The following WDFY3 variants were observed in gnomAD, a reference collection of about 807,000 sequenced individuals.
The protein encoded by WDFY3 is WD repeat and FYVE domain-containing protein 3.
A neutral mutation model predicts 409.6 loss-of-function variants in WDFY3; 66 were observed. The observed-to-expected ratio is 0.16, with a 90% confidence interval of 0.13 to 0.20. The LOEUF is 0.20. WDFY3 is among the 10% of genes least tolerant of loss of function. WDFY3 has a pLI of 1.00. For missense variants in WDFY3, 3,031 were observed against 4,298.1 expected (o/e 0.71, Z 8.24); for synonymous variants, 1,521 against 1,537.1 (o/e 0.99, Z 0.25).
intron 19 of WDFY3, among the ~76,000 whole-genome samples, chr4:84,796,127 C>T (rs1360226943): frequency 6.6e-6 from 1 of 151,510 alleles, no homozygotes; most frequent in African/African-American, 2.4e-5. Context: ...ATATTTAATG[C>T]TTTGTGAACC....
In WDFY3 at chr4:84,803,434, A is replaced by G. The variant is rs1380532971; in HGVS notation, c.2463T>C (p.Val821=). 2 of 1,613,870 alleles carry G rather than the reference A, an allele frequency of 1.2e-6. No homozygotes were observed. Among genetic ancestry groups the G allele is most frequent in the Admixed American group, 3.3e-5 (2 of 59,942 alleles). ...HAYHSVSTPP[V]YPPKNVADLK... ...GGTCGGCAACATTTTTAGGAGGGTA[A>G]ACAGGGGGAGTTGAAACAGAATGAT... The change falls in exon 16 of 68, where the codon GTT becomes GTC. Residue 821 remains valine (V), a synonymous_variant. Coordinates refer to ENST00000295888, the MANE Select transcript of WDFY3 (RefSeq NM_014991.6).
At chr4:84,890,318 T>A (rs891706880) in intron 3 of WDFY3, among the ~76,000 whole-genome samples, 1 of 152,226 alleles carries the variant, frequency 6.6e-6, no homozygotes, top group Non-Finnish European at 1.5e-5. Flanking sequence ...CAGGCTGGTC[T>A]TGAACTCCTG....
intron 1 of WDFY3, among the ~76,000 whole-genome samples, chr4:84,951,194 G>A (rs1385078585): frequency 6.6e-6 from 1 of 152,078 alleles, no homozygotes; most frequent in Non-Finnish European, 1.5e-5. Context: ...ATTTGAATAG[G>A]AATTCTCTGT....
In WDFY3 at chr4:84,889,193, G is replaced by C. The variant is rs186353992; in HGVS notation, c.-32+7718C>G. On this transcript the variant is annotated intron_variant, in intron 3 of 67. Transcript: ENST00000295888. ...TCTCTATTTCTTGTCAGGGTGCTAA[G>C]AGCAAATTTTTATTCCCTCCAGTGA... is the stretch of plus-strand genomic sequence containing the variant. Among the ~76,000 whole-genome samples, 359 of 152,194 alleles carry C rather than the reference G, an allele frequency of 2.4e-3. 3 individuals are homozygous for C. Among genetic ancestry groups the C allele is most frequent in the African/African-American group, 8.0e-3 (333 of 41,532 alleles).
At chr4:84,785,503 T>C (rs772594490) in intron 24 of WDFY3, among the ~76,000 whole-genome samples, 4 of 152,174 alleles carry the variant, frequency 2.6e-5, no homozygotes, top group Non-Finnish European at 1.5e-5. Flanking sequence ...TTTTACTGCA[T>C]AGCACCATCA....
At chr4:84,853,059 A>G (rs895223375) in intron 4 of WDFY3, among the ~76,000 whole-genome samples, 8 of 151,664 alleles carry the variant, frequency 5.3e-5, no homozygotes, top group Non-Finnish European at 1.0e-4. Flanking sequence ...GTGCCCGGCC[A>G]GAAACCTCTA....
At chr4:84,701,579 T>C (rs1276140875) in intron 56 of WDFY3, among the ~76,000 whole-genome samples, 3 of 152,290 alleles carry the variant, frequency 2.0e-5, no homozygotes, top group East Asian at 3.9e-4. Flanking sequence ...TATTCTCACA[T>C]GGAAACAATG....
intron 13 of WDFY3, among the ~76,000 whole-genome samples, chr4:84,815,675 T>C (rs1179231972): frequency 6.6e-6 from 1 of 152,164 alleles, no homozygotes; most frequent in Non-Finnish European, 1.5e-5. Flanking sequence ...TCATATTATA[T>C]ACTTTTGGGA....
At chr4:84,900,681 G>A (rs2150609328) in intron 2 of WDFY3, among the ~76,000 whole-genome samples, 1 of 152,258 alleles carries the variant, frequency 6.6e-6, no homozygotes, top group East Asian at 1.9e-4. Context: ...GGTTAGAGGT[G>A]AGAGAGACTG....
chr4:84,677,504 A>G, intron 66 of WDFY3, 108 bp from the exon 67 acceptor site: 1 of 1,043,766 alleles, frequency 9.6e-7, no homozygotes, highest in Admixed American at 3.0e-5. Context: ...GGGGCTGGTA[A>G]GGGTCCTGGA....
chr4:84,740,416 A>C lies in WDFY3; in HGVS notation c.6235T>G (p.Ser2079Ala), dbSNP rs1372760433. Residue 2079 changes from serine (S) to alanine (A), a missense_variant and splice_region_variant, in exon 39 of 68, where the codon TCA becomes GCA. Ser to Ala is a moderately conservative substitution (Grantham distance 99, BLOSUM62 1). Around this residue, in one of 16 missense-constraint regions of WDFY3, gnomAD observed 314 missense variants for 397.4 expected, o/e 0.79. Transcript: ENST00000295888. ...IDFIIQLIAQ[S>A]KRRSQGLSLD... ...GACAATCCCTGTGATCTTCTCTTTG[A>C]CTAAAGACATGAAAGGTATGTTTTT... 1 of 1,614,014 alleles carries C rather than the reference A, an allele frequency of 6.2e-7. No homozygotes were observed. The highest frequency in any genetic ancestry group is 8.5e-7 in the Non-Finnish European group (1 of 1,179,888).
chr4:84,790,885 C>T (rs1470426331), intron 21 of WDFY3, among the ~76,000 whole-genome samples: 2 of 151,926 alleles, frequency 1.3e-5, no homozygotes, highest in Non-Finnish European at 2.9e-5. Context: ...CAGGGAAATG[C>T]AAACCATAAG....
intron 2 of WDFY3, among the ~76,000 whole-genome samples, chr4:84,922,580 G>C (rs1769426704): frequency 6.6e-6 from 1 of 152,112 alleles, no homozygotes; most frequent in Non-Finnish European, 1.5e-5. Flanking sequence ...GTCTAAGCAT[G>C]TAAATATGGC....
chr4:84,781,982 C>T (rs1467342652), intron 25 of WDFY3, among the ~76,000 whole-genome samples: 1 of 152,120 alleles, frequency 6.6e-6, no homozygotes, highest in African/African-American at 2.4e-5. Flanking sequence ...TAAAAAGGAA[C>T]CAGTATTATA....
intron 32 of WDFY3, among the ~76,000 whole-genome samples, chr4:84,759,781 T>C (rs1305445184): frequency 3.9e-5 from 6 of 151,902 alleles, no homozygotes; most frequent in African/African-American, 9.7e-5. Flanking sequence ...CTTTTCCTAA[T>C]TGAATACCTT....
intron 3 of WDFY3, among the ~76,000 whole-genome samples, chr4:84,873,937 C>T (rs1315461834): frequency 2.6e-5 from 4 of 151,766 alleles, no homozygotes; most frequent in African/African-American, 7.3e-5. Flanking sequence ...TGCACAGCCA[C>T]GCCTGGGTAA....
At chr4:84,879,507 A>T (rs1040664863) in intron 3 of WDFY3, 1 of 152,170 alleles carries the variant, frequency 6.6e-6, no homozygotes, top group African/African-American at 2.4e-5. Flanking sequence ...GAAGACATTA[A>T]TTTGAAAAGC....
chr4:84,894,251 G>A (rs1242239212), intron 3 of WDFY3, among the ~76,000 whole-genome samples: 1 of 152,188 alleles, frequency 6.6e-6, no homozygotes, highest in African/African-American at 2.4e-5. Context: ...CTCTGGTTAT[G>A]TTGATAAAAG....
At chr4:84,724,339 A>G (rs1247915505) in intron 46 of WDFY3, 87 bp downstream of exon 46, 20 of 1,478,326 alleles carry the variant, frequency 1.4e-5, no homozygotes, top group Non-Finnish European at 1.6e-5. Context: ...TGGCCCTACT[A>G]TTTATAGTTG....
Sources: gnomAD v4.1 joint callset for allele counts (sites outside exome capture counted in the v4.1 genomes callset) on GRCh38, gnomAD v4.1.1 for gene constraint, gnomAD v4.1.1 regional missense constraint, MANE v1.5 for transcripts, NCBI Gene and HGNC (gene_info 2026-07-23, HGNC 2026-07-21) for gene names.